RHBDD1: variants seen among roughly 807,000 people sequenced by gnomAD.
RHBDD1 encodes the protein rhomboid domain containing 1.
Under a neutral mutation model 36.3 loss-of-function variants are expected in RHBDD1, and 38 were observed. That is an observed-to-expected ratio of 1.05 (90% CI 0.81 to 1.37). RHBDD1 has a LOEUF of 1.37. Ranked by LOEUF, RHBDD1 falls within the 40% of genes most tolerant of loss-of-function variation. The pLI is 0.00. For synonymous variants in RHBDD1, 151 were observed against 136.5 expected (o/e 1.11, Z -0.74); for missense variants, 393 against 377.6 (o/e 1.04, Z -0.34).
chr2:226,927,744 A>G (rs1343538785), intron 8 of RHBDD1, among the ~76,000 whole-genome samples: 1 of 152,030 alleles, frequency 6.6e-6, no homozygotes, highest in Admixed American at 6.6e-5. Context: ...GACTACCTAT[A>G]TATCTTCTTT....
chr2:226,868,223 A>G (rs1944498920), intron 5 of RHBDD1, among the ~76,000 whole-genome samples: 1 of 152,194 alleles, frequency 6.6e-6, no homozygotes, highest in Admixed American at 6.5e-5. Flanking sequence ...CTAGAGCTCC[A>G]GGAAGTACAG....
intron 5 of RHBDD1, among the ~76,000 whole-genome samples, chr2:226,882,533 A>G (rs1945853266): frequency 6.6e-6 from 1 of 150,648 alleles, no homozygotes; most frequent in East Asian, 1.9e-4. Flanking sequence ...TTTATTATTT[A>G]CTTATGTTTT....
chr2:226,953,591 A>G (rs1951576554), intron 8 of RHBDD1, among the ~76,000 whole-genome samples: 2 of 152,102 alleles, frequency 1.3e-5, no homozygotes, highest in Admixed American at 1.3e-4. Context: ...CTTATCACCT[A>G]AGTTTGTTTT....
intron 5 of RHBDD1, among the ~76,000 whole-genome samples, chr2:226,886,753 A>G (rs143369336): frequency 6.6e-6 from 1 of 152,314 alleles, no homozygotes; most frequent in Non-Finnish European, 1.5e-5. Flanking sequence ...TTAAAAAAAG[A>G]TTTTAGACAT....
At chr2:226,852,571 C>G (rs957637575) in intron 3 of RHBDD1, among the ~76,000 whole-genome samples, 2 of 152,012 alleles carry the variant, frequency 1.3e-5, no homozygotes, top group Non-Finnish European at 2.9e-5. Flanking sequence ...CACCAGAACC[C>G]AACCATTCTT....
chr2:226,944,348 G>T (rs1950839445), intron 8 of RHBDD1, among the ~76,000 whole-genome samples: 1 of 152,162 alleles, frequency 6.6e-6, no homozygotes, highest in East Asian at 1.9e-4. Context: ...TGCCCCTAGA[G>T]GAGCAGCGGT....
At chr2:226,847,351 TC>T (rs1267116385) in intron 3 of RHBDD1, among the ~76,000 whole-genome samples, 1 of 152,246 alleles carries the variant, frequency 6.6e-6, no homozygotes. Context: ...CTTTCTTTCA[TC>T]CACTTTTTAT....
intron 5 of RHBDD1, among the ~76,000 whole-genome samples, chr2:226,896,718 G>A (rs557846776): frequency 6.6e-4 from 100 of 152,206 alleles, no homozygotes; most frequent in African/African-American, 2.4e-3. Context: ...GGCACATAAG[G>A]CACATGGCAC....
chr2:226,943,991 A>G (rs1159496266), intron 8 of RHBDD1, among the ~76,000 whole-genome samples: 2 of 152,184 alleles, frequency 1.3e-5, no homozygotes, highest in Non-Finnish European at 2.9e-5. Flanking sequence ...CCAAGTGGCC[A>G]TTGTTGACAG....
the RHBDD1 span, among the ~76,000 whole-genome samples, chr2:226,813,808 C>T: frequency 1.3e-5 from 2 of 152,174 alleles, no homozygotes; most frequent in Non-Finnish European, 2.9e-5. Flanking sequence ...GGATTAGTCA[C>T]ACAACTCCTC....
intron 5 of RHBDD1, among the ~76,000 whole-genome samples, chr2:226,897,626 C>G (rs1224108141): frequency 6.6e-6 from 1 of 152,112 alleles, no homozygotes; most frequent in South Asian, 2.1e-4. Flanking sequence ...TGTGCAAAGA[C>G]CACATGGCGA....
the RHBDD1 span, among the ~76,000 whole-genome samples, chr2:226,822,851 C>T: frequency 5.9e-5 from 9 of 152,098 alleles, no homozygotes; most frequent in African/African-American, 1.9e-4. Context: ...AGGGGCCAGG[C>T]GCGGAGGCTT....
chr2:226,948,904 C>T (rs1363767739), intron 8 of RHBDD1, among the ~76,000 whole-genome samples: 1 of 152,180 alleles, frequency 6.6e-6, no homozygotes, highest in Non-Finnish European at 1.5e-5. Context: ...CGTCTCAGCT[C>T]AAAAGCCTCT....
chr2:226,988,808 A>T, intron 8 of RHBDD1: 1 of 674,276 alleles, frequency 1.5e-6, no homozygotes. Flanking sequence ...AATACTTGAG[A>T]GTTAACTACC....
At chr2:226,829,297 G>C in the RHBDD1 span, among the ~76,000 whole-genome samples, 150 of 152,230 alleles carry the variant, frequency 9.9e-4, 1 homozygote, top group African/African-American at 3.1e-3. Flanking sequence ...TTGAAATTAA[G>C]TAGTATAATT....
intron 5 of RHBDD1, among the ~76,000 whole-genome samples, chr2:226,881,649 A>G (rs780847906): frequency 5.9e-5 from 9 of 152,184 alleles, no homozygotes; most frequent in Non-Finnish European, 1.2e-4. Flanking sequence ...GTCTTTATAC[A>G]CACTGTCGCT....
At chr2:226,945,145 G>GATGATTATTATTATT in intron 8 of RHBDD1, among the ~76,000 whole-genome samples, 1 of 144,816 alleles carries the variant, frequency 6.9e-6, no homozygotes, top group Admixed American at 7.0e-5. Context: ...GATCAAATCT[G>GATGATTATTATTATT]ATTATTATTA....
At chr2:226,873,306 C>T (rs1394327916) in intron 5 of RHBDD1, among the ~76,000 whole-genome samples, 1 of 152,172 alleles carries the variant, frequency 6.6e-6, no homozygotes, top group East Asian at 1.9e-4. Context: ...ACTCAACGTC[C>T]CTTTAGCTGA....
At chr2:226,881,872 T>A (rs1468403679) in intron 5 of RHBDD1, among the ~76,000 whole-genome samples, 2 of 152,260 alleles carry the variant, frequency 1.3e-5, no homozygotes, top group Admixed American at 6.5e-5. Flanking sequence ...TCTATTTTCT[T>A]GTCTGTGATT....
Sources: gnomAD v4.1 joint callset for allele counts (sites outside exome capture counted in the v4.1 genomes callset) on GRCh38, gnomAD v4.1.1 for gene constraint, MANE v1.5 for transcripts, NCBI Gene and HGNC (gene_info 2026-07-23, HGNC 2026-07-21) for gene names.